Variants in CSNK1G3 observed in about 807,000 individuals in gnomAD.
CSNK1G3 encodes the protein casein kinase 1 gamma 3, also known as casein kinase I isoform gamma-3.
CSNK1G3 carries 23 observed loss-of-function variants against 64.3 expected under a neutral mutation model. The ratio of observed to expected loss-of-function variants is 0.36; its 90% CI spans 0.26 to 0.51. The LOEUF is 0.51. Among genes scored for constraint, CSNK1G3 ranks in the 20% least tolerant of loss-of-function variants. The pLI is 0.96. For synonymous variants in CSNK1G3, 158 were observed against 162.2 expected (o/e 0.97, Z 0.20); for missense variants, 357 against 510.5 (o/e 0.70, Z 2.90).
chr5:123,570,495 A>G (rs1472699996), intron 4 of CSNK1G3, among the ~76,000 whole-genome samples: 3 of 151,914 alleles, frequency 2.0e-5, no homozygotes, highest in Admixed American at 6.6e-5. Flanking sequence ...CTGGCATTAC[A>G]GGCACACGCC....
intron 6 of CSNK1G3, among the ~76,000 whole-genome samples, chr5:123,586,539 A>G (rs1029286516): frequency 1.3e-5 from 2 of 152,142 alleles, no homozygotes. Context: ...CTTACATTTT[A>G]TAATAAAAAG....
chr5:123,552,248 G>A (rs1318827692), intron 2 of CSNK1G3, among the ~76,000 whole-genome samples: 3 of 151,600 alleles, frequency 2.0e-5, no homozygotes, highest in Non-Finnish European at 2.9e-5. Flanking sequence ...GGGTTCAAGC[G>A]AATTCTCCTG....
intron 1 of CSNK1G3, among the ~76,000 whole-genome samples, chr5:123,526,771 C>G (rs564714043): frequency 2.7e-4 from 41 of 151,486 alleles, no homozygotes; most frequent in African/African-American, 9.5e-4. Flanking sequence ...GAGCAATATT[C>G]CATTGTATGG....
Position 123,557,113 on chromosome 5 carries a change from A to G in CSNK1G3, c.220-382A>G, listed in dbSNP as rs189133152. 3.0e-3 allele frequency among the ~76,000 whole-genome samples: 454 copies of G among 152,218 alleles called. 3 individuals are homozygous for G. The highest frequency in any genetic ancestry group is 0.01 in the African/African-American group (418 of 41,554). On this transcript the variant is annotated intron_variant, in intron 3 of 12. Transcript: ENST00000345990. The stretch of plus-strand genomic sequence containing the variant: ...TTACCATCTTTGTTCTTACTATCCT[A>G]TGACTTAACTTTAATCTAGAACCTT...
At chr5:123,583,052 G>A (rs920310989) in intron 6 of CSNK1G3, among the ~76,000 whole-genome samples, 1 of 152,114 alleles carries the variant, frequency 6.6e-6, no homozygotes, top group African/African-American at 2.4e-5. Context: ...GAACCATGTA[G>A]GCGAGATCAC....
At chr5:123,558,215 GT>G (rs1225720573) in intron 4 of CSNK1G3, among the ~76,000 whole-genome samples, 1 of 152,080 alleles carries the variant, frequency 6.6e-6, no homozygotes, top group Non-Finnish European at 1.5e-5. Flanking sequence ...ATAAATTTCT[GT>G]TGTTGTAAGC....
At chr5:123,571,177 T>C (rs1330440739) in intron 4 of CSNK1G3, among the ~76,000 whole-genome samples, 2 of 152,130 alleles carry the variant, frequency 1.3e-5, no homozygotes, top group South Asian at 2.1e-4. Context: ...TACATACACA[T>C]TGGGGTGTAT....
intron 6 of CSNK1G3, 47 bp from the exon 7 acceptor site, chr5:123,588,021 C>A: frequency 8.1e-7 from 1 of 1,237,132 alleles, no homozygotes; most frequent in Non-Finnish European, 1.1e-6. Context: ...TTCTTCCATT[C>A]TTAACTGTTA....
At chr5:123,520,705 A>G (rs930139110) in intron 1 of CSNK1G3, among the ~76,000 whole-genome samples, 10 of 152,072 alleles carry the variant, frequency 6.6e-5, no homozygotes, top group African/African-American at 2.4e-4. Context: ...GTACAAATAT[A>G]CATTATAAAA....
chr5:123,606,710 A>G (rs1795428971), intron 12 of CSNK1G3, among the ~76,000 whole-genome samples: 2 of 151,930 alleles, frequency 1.3e-5, no homozygotes, highest in Non-Finnish European at 2.9e-5. Flanking sequence ...TTTTACTTCC[A>G]TACACACACT....
intron 6 of CSNK1G3, among the ~76,000 whole-genome samples, chr5:123,580,652 C>T (rs2150817659): frequency 6.6e-6 from 1 of 151,972 alleles, no homozygotes; most frequent in South Asian, 2.1e-4. Context: ...CAAGTGTCTG[C>T]TTTTTAATAT....
At chr5:123,590,632 A>G (rs936819598) in intron 9 of CSNK1G3, 74 bp downstream of exon 9, 1 of 930,230 alleles carries the variant, frequency 1.1e-6, no homozygotes, top group Non-Finnish European at 1.5e-6. Flanking sequence ...CTTCAATTGA[A>G]AAGAGTTGAG....
At chr5:123,560,039 C>G (rs942022581) in intron 4 of CSNK1G3, among the ~76,000 whole-genome samples, 8 of 152,054 alleles carry the variant, frequency 5.3e-5, no homozygotes, top group Admixed American at 2.6e-4. Context: ...CAAAAATAGA[C>G]AACCCAATTG....
intron 1 of CSNK1G3, among the ~76,000 whole-genome samples, chr5:123,529,433 T>C (rs1054952768): frequency 3.3e-5 from 5 of 152,172 alleles, no homozygotes; most frequent in Non-Finnish European, 7.3e-5. Flanking sequence ...AAAAATGTAC[T>C]ACAGAAAGTT....
At chr5:123,521,422 TATA>T (rs1278872444) in intron 1 of CSNK1G3, among the ~76,000 whole-genome samples, 2 of 152,184 alleles carry the variant, frequency 1.3e-5, no homozygotes, top group Non-Finnish European at 2.9e-5. Flanking sequence ...AGTATCAAAA[TATA>T]ATCAGCTCCT....
intron 10 of CSNK1G3, among the ~76,000 whole-genome samples, chr5:123,599,858 AT>A (rs899347822): frequency 1.1e-4 from 17 of 149,256 alleles, no homozygotes; most frequent in African/African-American, 2.2e-4. Context: ...TTATGAATTT[AT>A]TTTTTTTTTA....
chr5:123,552,100 G>C (rs1783779395), intron 2 of CSNK1G3, among the ~76,000 whole-genome samples: 1 of 151,692 alleles, frequency 6.6e-6, no homozygotes. Flanking sequence ...AGTGATATTA[G>C]ATATTTTAAA....
chr5:123,602,094 A>G (rs1289776522), intron 10 of CSNK1G3, among the ~76,000 whole-genome samples: 3 of 152,216 alleles, frequency 2.0e-5, no homozygotes, highest in Admixed American at 6.5e-5. Context: ...ATAGAATGAC[A>G]GAAAGGGGGA....
chr5:123,528,552 A>G (rs563858935), intron 1 of CSNK1G3, among the ~76,000 whole-genome samples: 5 of 152,276 alleles, frequency 3.3e-5, no homozygotes, highest in Admixed American at 1.3e-4. Context: ...ACATTGTCCC[A>G]TATCTTTCCT....
Sources: allele counts gnomAD v4.1 joint callset (sites outside exome capture counted in the v4.1 genomes callset), GRCh38; gene constraint gnomAD v4.1.1; transcripts MANE v1.5; gene names NCBI Gene and HGNC (gene_info 2026-07-23, HGNC 2026-07-21).